The following FARP2 variants were observed in gnomAD, a reference collection of about 807,000 sequenced individuals.
The protein encoded by FARP2 is FERM, ARH/RhoGEF and pleckstrin domain protein 2, also known as FERM, ARHGEF and pleckstrin domain-containing protein 2.
Under a neutral mutation model 130.5 loss-of-function variants are expected in FARP2, and 111 were observed. The ratio of observed to expected loss-of-function variants is 0.85; its 90% CI spans 0.73 to 1.00. The LOEUF is 1.00. Among genes scored for constraint, FARP2 ranks in the 50% least tolerant of loss-of-function variants. The pLI, the probability that FARP2 is intolerant of heterozygous loss-of-function variation, is 0.00. For synonymous variants in FARP2, 504 were observed against 516.9 expected (o/e 0.98, Z 0.34); for missense variants, 1,385 against 1,346.3 (o/e 1.03, Z -0.45).
intron 13 of FARP2, among the ~76,000 whole-genome samples, chr2:241,453,958 AT>A (rs113598577): frequency 0.77 from 115,385 of 150,446 alleles, 44,496 homozygotes; most frequent in Middle Eastern, 0.85. Flanking sequence ...TAATTTTTGT[AT>A]TTTTTTAGTA....
At chr2:241,370,412 G>C (rs1006686284) in intron 1 of FARP2, among the ~76,000 whole-genome samples, 1 of 152,062 alleles carries the variant, frequency 6.6e-6, no homozygotes, top group Non-Finnish European at 1.5e-5. Flanking sequence ...TGGATTTTAA[G>C]TGTTCTCACC....
chr2:241,386,325 C>G (rs2061782803), intron 2 of FARP2, among the ~76,000 whole-genome samples: 1 of 152,154 alleles, frequency 6.6e-6, no homozygotes, highest in South Asian at 2.1e-4. Flanking sequence ...TCAAGTGAAC[C>G]TGGCCCCAAG....
rs186136591 is a variant in FARP2, at chr2:241,368,757, C to T, written c.-24-4327C>T. ...GAGTAGCTGAGATTATAGGTGTGCG[C>T]CACTATTCCTGGCTTTATTAAGGTC... On this transcript the variant is annotated intron_variant, in intron 1 of 26. Transcript: ENST00000264042. 5.0e-4 allele frequency among the ~76,000 whole-genome samples: 76 copies of T among 152,172 alleles called. 1 individual carries two copies. The highest frequency in any genetic ancestry group is 1.8e-3 in the African/African-American group (75 of 41,476).
chr2:241,388,840 C>G lies in FARP2; in HGVS notation c.184-14988C>G, dbSNP rs150917045. ...GAGATCCTGTCCCAAAAAAATATCT[C>G]TAATGCTATGGACTAGGTGTTTGTG... On this transcript the variant is annotated intron_variant, in intron 2 of 26. Transcript: ENST00000264042. 4.5e-4 allele frequency among the ~76,000 whole-genome samples: 68 copies of G among 151,658 alleles called. 4 individuals are homozygous for G. In the East Asian group the frequency reaches 0.013, roughly 30 times the overall value.
chr2:241,427,522 G>A (rs2062973222), intron 8 of FARP2, among the ~76,000 whole-genome samples: 2 of 152,138 alleles, frequency 1.3e-5, no homozygotes, highest in African/African-American at 2.4e-5. Flanking sequence ...GAGATGGTGT[G>A]TGTAGGTTAT....
chr2:241,448,692 G>T (rs1040352484), intron 13 of FARP2, among the ~76,000 whole-genome samples: 2 of 152,220 alleles, frequency 1.3e-5, no homozygotes, highest in Non-Finnish European at 2.9e-5. Context: ...TTTTTCTTAG[G>T]AAGGAAAAGG....
At chr2:241,448,191 C>A (rs2063555719) in intron 13 of FARP2, among the ~76,000 whole-genome samples, 1 of 152,196 alleles carries the variant, frequency 6.6e-6, no homozygotes, top group African/African-American at 2.4e-5. Flanking sequence ...CACTTACCCC[C>A]CCTACATCAT....
Position 241,469,094 on chromosome 2 carries a change from T to G in FARP2, c.2131+717T>G, listed in dbSNP as rs902277700. Among the ~76,000 whole-genome samples, 6 of 150,336 alleles carry G rather than the reference T, an allele frequency of 4.0e-5. No individual in the cohort carries two copies. In the South Asian group the frequency reaches 6.3e-4, roughly 16 times the overall value. On this transcript the variant is annotated intron_variant, in intron 18 of 26. Transcript: ENST00000264042. The stretch of plus-strand genomic sequence containing the variant: ...TTGTTTATGTTTATGGTTTTGTGGT[T>G]TTTTTTTTTGAGACGGAGTTTCATT...
In FARP2 at chr2:241,475,722, T is replaced by C; in HGVS notation, c.2132-135T>C. On this transcript the variant is annotated intron_variant, in intron 18 of 26. Transcript: ENST00000264042. The surrounding 1 kb of genome is among the most constrained non-coding windows in gnomAD (Gnocchi z 4.4). ...TACCAAAAATGTTGGGGACCGCTGC[T>C]ATAAGGAGTCGAGTAGGATGTACCT... 1 of 696,318 alleles carries C rather than the reference T, an allele frequency of 1.4e-6. No individual in the cohort carries two copies. The highest frequency in any genetic ancestry group is 4.0e-5 in the Admixed American group (1 of 24,836). 43.1% of individuals were successfully genotyped at this position (696,318 alleles called of 1,614,324 possible).
chr2:241,359,938 C>T (rs187177394), intron 1 of FARP2, among the ~76,000 whole-genome samples: 126 of 152,288 alleles, frequency 8.3e-4, no homozygotes, highest in African/African-American at 2.8e-3. Context: ...ATACAGGACA[C>T]GGTAGCTGTT....
chr2:241,450,733 G>A (rs1574848328), intron 13 of FARP2, among the ~76,000 whole-genome samples: 2 of 152,102 alleles, frequency 1.3e-5, no homozygotes, highest in East Asian at 3.9e-4. Flanking sequence ...GCTGAGGTGG[G>A]CCAATCACTT....
At chr2:241,358,513 C>T (rs2061115673) in intron 1 of FARP2, among the ~76,000 whole-genome samples, 2 of 152,244 alleles carry the variant, frequency 1.3e-5, no homozygotes, top group South Asian at 2.1e-4. Context: ...ACCCCTGCTT[C>T]TAGTCACATC....
At position 241,462,055 on chromosome 2, in the gene FARP2, C is replaced by T. The variant is rs886825982; in HGVS notation, c.1588-468C>T. ...GGGCTGGGCTGTCTCTAGCAGGGCACGGAAAACTGGGCCCGGGGTATGTTC... is the reference window on the plus strand; with the variant it reads ...GGGCTGGGCTGTCTCTAGCAGGGCATGGAAAACTGGGCCCGGGGTATGTTC... On this transcript the variant is annotated intron_variant, in intron 14 of 26. Transcript: ENST00000264042. Among the ~76,000 whole-genome samples the T allele has an allele frequency of 6.0e-4, 92 of 152,288 alleles. 1 individual carries two copies. Among genetic ancestry groups the T allele is most frequent in the African/African-American group, 2.1e-3 (86 of 41,548 alleles).
At chr2:241,366,832 G>A (rs1010778793) in intron 1 of FARP2, among the ~76,000 whole-genome samples, 18 of 152,138 alleles carry the variant, frequency 1.2e-4, no homozygotes, top group South Asian at 2.1e-4. Flanking sequence ...AAAAGCTGGG[G>A]CTGGGAGTGG....
At chr2:241,407,214 G>A (rs920361945) in intron 4 of FARP2, among the ~76,000 whole-genome samples, 17 of 151,966 alleles carry the variant, frequency 1.1e-4, no homozygotes, top group African/African-American at 3.6e-4. Flanking sequence ...TTCATATACA[G>A]GAAATGCTTC....
chr2:241,388,521 TAAAAG>T (rs2061839144), intron 2 of FARP2, among the ~76,000 whole-genome samples: 1 of 151,922 alleles, frequency 6.6e-6, no homozygotes, highest in Non-Finnish European at 1.5e-5. Flanking sequence ...TCCAAAGTGA[TAAAAG>T]AACAAATAAA....
At chr2:241,383,066 C>A (rs2061699194) in intron 2 of FARP2, among the ~76,000 whole-genome samples, 1 of 152,204 alleles carries the variant, frequency 6.6e-6, no homozygotes, top group Non-Finnish European at 1.5e-5. Flanking sequence ...TTACGGAAAG[C>A]CACACAGATG....
chr2:241,419,538 A>G (rs1032914636), intron 8 of FARP2, among the ~76,000 whole-genome samples: 1 of 152,208 alleles, frequency 6.6e-6, no homozygotes, highest in African/African-American at 2.4e-5. Flanking sequence ...TTTTTTAAAC[A>G]TTTAAATCCG....
chr2:241,450,995 T>C (rs945604749), intron 13 of FARP2, among the ~76,000 whole-genome samples: 1 of 152,128 alleles, frequency 6.6e-6, no homozygotes, highest in African/African-American at 2.4e-5. Context: ...AATCTTGTTA[T>C]TTGCTGGAGT....
Sources: allele counts gnomAD v4.1 joint callset (sites outside exome capture counted in the v4.1 genomes callset), GRCh38; gene constraint gnomAD v4.1.1; non-coding constraint Gnocchi (gnomAD v3.1); transcripts MANE v1.5; gene names NCBI Gene and HGNC (gene_info 2026-07-23, HGNC 2026-07-21).